The following SLC15A3 variants were observed in gnomAD, a reference collection of about 807,000 sequenced individuals.
SLC15A3 encodes the protein osteoclast transporter.
A neutral mutation model predicts 49.2 loss-of-function variants in SLC15A3; 39 were observed. The observed-to-expected ratio is 0.79, with a 90% CI of 0.61 to 1.04. SLC15A3 has a LOEUF of 1.04. Ranked by LOEUF, SLC15A3 falls within the 50% of genes least tolerant of loss-of-function variation. The pLI is 0.00. For synonymous variants in SLC15A3, 339 were observed against 367.0 expected (o/e 0.92, Z 0.87); for missense variants, 758 against 794.8 (o/e 0.95, Z 0.56).
At position 60,946,535 on chromosome 11, in the gene SLC15A3, G is replaced by A; in HGVS notation, c.845C>T (p.Ala282Val). ...TGCACCCAGAGCCCCTCCTTACCTG[G>A]CCGAGTGTCGTTGCCACAGCTGGGG... ...CCPQLWQRHS[A>V]RDRQCARVLA... The change falls in exon 2 of 8, where the codon GCC becomes GTC. Residue 282 changes from alanine to valine, a missense_variant. Coordinates refer to ENST00000227880, the MANE Select transcript of SLC15A3 (RefSeq NM_016582.3). 1 of 1,556,962 alleles carries A rather than the reference G, an allele frequency of 6.4e-7. No homozygotes were observed. Among genetic ancestry groups the A allele is most frequent in the Non-Finnish European group, 8.7e-7 (1 of 1,148,238 alleles).
rs1362917655 is a variant in SLC15A3, at chr11:60,949,553, AAAGAAAGAAAG to A, written c.558+1430_558+1440del. 0.017 allele frequency among the ~76,000 whole-genome samples: 1,345 copies of A among 80,490 alleles called. 52 individuals are homozygous for A. In the East Asian group the frequency reaches 0.18, roughly 11 times the overall value. The allele number at this position is 80,490 out of a possible 152,430, so 52.8% of individuals were successfully genotyped here. A position where few individuals can be genotyped will look rare whatever the true frequency, so the allele number is the denominator to read the frequency against. ...GAAAGAAAGAAAGAAAGAAAGAAAG[AAAGAAAGAAAG>A]AAAGAAAAGAGATGGCCAGGGCTGG... On this transcript the variant is annotated intron_variant, in intron 1 of 7. Transcript: ENST00000227880.
chr11:60,945,216 G>A (rs1856783678), intron 2 of SLC15A3, among the ~76,000 whole-genome samples: 1 of 152,198 alleles, frequency 6.6e-6, no homozygotes, highest in African/African-American at 2.4e-5. Context: ...GCTGTGAGAA[G>A]TTCAAGCCAC....
intron 2 of SLC15A3, 55 bp from the exon 3 acceptor site, chr11:60,943,891 C>T: frequency 7.0e-7 from 1 of 1,421,656 alleles, no homozygotes; most frequent in Non-Finnish European, 9.3e-7. Context: ...GGCTTGGTGG[C>T]TTATGCCTGT....
Position 60,939,564 on chromosome 11 carries a change from A to G in SLC15A3, c.1351T>C (p.Tyr451His). 6.2e-7 allele frequency: 1 copy of G among 1,614,180 alleles called. No homozygotes were observed. Among genetic ancestry groups the G allele is most frequent in the Non-Finnish European group, 8.5e-7 (1 of 1,180,016 alleles). ...CAGATGGACAGTGGTGCCGCGTTGTACAGGACCTCCCCAATCTGCTGGGAC... is the reference window on the plus strand; with the variant it reads ...CAGATGGACAGTGGTGCCGCGTTGTGCAGGACCTCCCCAATCTGCTGGGAC... ...TVSQQIGEVL[Y>H]NAAPLSIWWQ... Residue 451 changes from tyrosine (Y) to histidine (H), a missense_variant, in exon 6 of 8, where the codon TAC becomes CAC. Physicochemically the swap from Tyr to His is moderately conservative, Grantham distance 83. Coordinates refer to ENST00000227880, the MANE Select transcript of SLC15A3 (RefSeq NM_016582.3).
At chr11:60,946,451 C>T in intron 2 of SLC15A3, 81 bp downstream of exon 2, 1 of 1,459,756 alleles carries the variant, frequency 6.9e-7, no homozygotes, top group Non-Finnish European at 9.2e-7. Context: ...AGAATGTCTG[C>T]AACCTGGACC....
rs540877307 is a variant in SLC15A3 at position 60,944,734 on chromosome 11, C to T, written c.849-898G>A. Reference sequence around the variant, plus strand: ...TCTCAAGTCCATCCTCCTCAACAGTCAACATGGCAACCCTCTCCCTCCATG... The same window carrying T: ...TCTCAAGTCCATCCTCCTCAACAGTTAACATGGCAACCCTCTCCCTCCATG... On this transcript the variant is annotated intron_variant, in intron 2 of 7. Coordinates refer to ENST00000227880, the MANE Select transcript of SLC15A3 (RefSeq NM_016582.3). 1.4e-4 allele frequency among the ~76,000 whole-genome samples: 21 copies of T among 152,256 alleles called. No homozygotes were observed. The South Asian group carries it at 1.9e-3, about 14-fold the overall frequency.
At chr11:60,950,462 A>G (rs956548258) in intron 1 of SLC15A3, among the ~76,000 whole-genome samples, 9 of 152,204 alleles carry the variant, frequency 5.9e-5, no homozygotes, top group African/African-American at 2.2e-4. Context: ...AAACAGTGAA[A>G]GTGCTTAGCA....
chr11:60,937,767 C>T, intron 7 of SLC15A3, 103 bp downstream of exon 7: 12 of 1,419,178 alleles, frequency 8.5e-6, no homozygotes, highest in Non-Finnish European at 1.1e-5. Context: ...AAGTCTAGCC[C>T]TCTACTTGCT....
At chr11:60,947,172 C>A (rs1394630017) in intron 1 of SLC15A3, among the ~76,000 whole-genome samples, 1 of 132,546 alleles carries the variant, frequency 7.5e-6, no homozygotes, top group Non-Finnish European at 1.6e-5. Context: ...ACTGAGCAAC[C>A]TACACTATTC....
chr11:60,944,457 C>T (rs1856772364), intron 2 of SLC15A3, among the ~76,000 whole-genome samples: 1 of 152,150 alleles, frequency 6.6e-6, no homozygotes, highest in Admixed American at 6.5e-5. Flanking sequence ...AATGTTGGCA[C>T]CACTACTGCC....
chr11:60,943,587 TC>T (rs1856750948), intron 3 of SLC15A3, 101 bp downstream of exon 3: 2 of 1,253,334 alleles, frequency 1.6e-6, no homozygotes, highest in East Asian at 5.9e-5. Context: ...TCCCAGACTT[TC>T]CCCCTTTCCA....
chr11:60,939,770 T>G, intron 5 of SLC15A3, 132 bp from the exon 6 acceptor site: 3 of 1,074,452 alleles, frequency 2.8e-6, no homozygotes, highest in Non-Finnish European at 2.7e-6. Flanking sequence ...AGGAAAAGAA[T>G]GCTGGACTGG....
In SLC15A3 at chr11:60,951,349, G is replaced by A. The variant is rs776158282; in HGVS notation, c.203C>T (p.Thr68Ile). The change falls in exon 1 of 8, where the codon ACC becomes ATC. Residue 68 changes from threonine to isoleucine, a missense_variant. Thr to Ile is a moderately conservative substitution (Grantham distance 89, BLOSUM62 -1). This residue lies in a region of SLC15A3 where 699 missense variants were observed against 706.7 expected (regional missense o/e 0.99). Transcript: ENST00000227880. ...LYLNSTNFNWTGEQATRAALV... is the reference protein window; with the variant it reads ...LYLNSTNFNWIGEQATRAALV... ...CGCGGCGCGCGTCGCCTGCTCGCCG[G>A]TCCAGTTGAAGTTGGTGCTGTTGAG... The A allele has an allele frequency of 1.2e-5, 18 of 1,548,290 alleles. No individual in the cohort carries two copies. The Admixed American group carries it at 3.2e-4, about 28-fold the overall frequency.
At position 60,950,981 on chromosome 11, in the gene SLC15A3, T is replaced by C. The variant is rs1590646039; in HGVS notation, c.558+13A>G. Reference sequence around the variant, plus strand: ...CCGCCGGAGTATGCCGGGGCAGGCCTCCTGCCACTCACCTGGTCGGCACCG... The same window carrying C: ...CCGCCGGAGTATGCCGGGGCAGGCCCCCTGCCACTCACCTGGTCGGCACCG... On this transcript the variant is annotated intron_variant, in intron 1 of 7. Coordinates refer to ENST00000227880, the MANE Select transcript of SLC15A3 (RefSeq NM_016582.3). 7.0e-7 allele frequency: 1 copy of C among 1,427,344 alleles called. No individual in the cohort carries two copies. The highest frequency in any genetic ancestry group is 3.0e-5 in the East Asian group (1 of 33,818). The allele number at this position is 1,427,344 out of a possible 1,614,324, so 88.4% of individuals were successfully genotyped here.
In SLC15A3 at chr11:60,939,715, G is replaced by A. The variant is rs189623224; in HGVS notation, c.1277-77C>T. 7.2e-6 allele frequency: 11 copies of A among 1,530,340 alleles called. No homozygotes were observed. In the African/African-American group the frequency reaches 1.4e-4, roughly 19 times the overall value. The allele number at this position is 1,530,340 out of a possible 1,614,324, so 94.8% of individuals were successfully genotyped here. On this transcript the variant is annotated intron_variant, in intron 5 of 7. Coordinates refer to ENST00000227880, the MANE Select transcript of SLC15A3 (RefSeq NM_016582.3). ...GCCCACAGAAGAGCTTGTACATGGT[G>A]GGGATGGGGTACTCATGAAGCAGCC... is the stretch of plus-strand genomic sequence containing the variant.
chr11:60,946,874 C>A, intron 1 of SLC15A3, 53 bp from the exon 2 acceptor site: 2 of 1,549,298 alleles, frequency 1.3e-6, no homozygotes, highest in South Asian at 2.4e-5. Context: ...GGGGCACTCT[C>A]TGTACCCATA....
intron 1 of SLC15A3, among the ~76,000 whole-genome samples, chr11:60,948,376 C>A (rs531752876): frequency 4.6e-5 from 7 of 152,308 alleles, no homozygotes; most frequent in African/African-American, 1.7e-4. Flanking sequence ...GACCAGGCAG[C>A]CCATTCAGGA....
chr11:60,941,886 T>C (rs1031043232), intron 4 of SLC15A3, 149 bp downstream of exon 4: 7 of 747,240 alleles, frequency 9.4e-6, no homozygotes, highest in Non-Finnish European at 1.6e-5. Context: ...GTGACACAAG[T>C]CCTCCCACCC....
intron 3 of SLC15A3, chr11:60,942,539 A>C (rs1856729179): frequency 4.8e-6 from 1 of 207,610 alleles, no homozygotes; most frequent in Non-Finnish European, 9.9e-6. Context: ...TGACACAAGC[A>C]CTGCATAGAC....
Sources: allele counts gnomAD v4.1 joint callset (sites outside exome capture counted in the v4.1 genomes callset), GRCh38; gene constraint gnomAD v4.1.1; regional missense constraint gnomAD v4.1.1; transcripts MANE v1.5; gene names NCBI Gene and HGNC (gene_info 2026-07-23, HGNC 2026-07-21).